Variants in KCNH7 observed in about 807,000 individuals in gnomAD.
KCNH7 encodes the protein potassium voltage-gated channel subfamily H member 7, also known as voltage-gated inwardly rectifying potassium channel KCNH7.
In KCNH7, 49 loss-of-function variants were observed where a neutral mutation model predicts 120.8. The observed-to-expected ratio is 0.41, with a 90% CI of 0.32 to 0.51. The LOEUF (loss-of-function observed/expected upper bound fraction) is 0.51, where lower values mean the gene tolerates loss of function less well. KCNH7 is among the 20% of genes least tolerant of loss of function. The probability of loss-of-function intolerance (pLI) is 0.38; values close to 1 mark genes in which losing one functional copy is unlikely to be tolerated. For missense variants in KCNH7, 1,097 were observed against 1,446.6 expected (o/e 0.76, Z 3.92); for synonymous variants, 547 against 516.1 (o/e 1.06, Z -0.81).
intron 2 of KCNH7, among the ~76,000 whole-genome samples, chr2:162,558,175 C>CTT (rs796790912): frequency 4.1e-5 from 6 of 145,550 alleles, no homozygotes; most frequent in African/African-American, 1.5e-4. Flanking sequence ...CCTCAAGCCT[C>CTT]TTTTTTTTTT....
At chr2:162,480,256 G>A (rs1558968570) in intron 6 of KCNH7, among the ~76,000 whole-genome samples, 1 of 151,982 alleles carries the variant, frequency 6.6e-6, no homozygotes, top group Non-Finnish European at 1.5e-5. Context: ...AAATGATTCA[G>A]TCTTCAGTAA....
At chr2:162,738,960 C>T (rs1466200648) in intron 2 of KCNH7, among the ~76,000 whole-genome samples, 1 of 152,072 alleles carries the variant, frequency 6.6e-6, no homozygotes, top group African/African-American at 2.4e-5. Flanking sequence ...AGTTCATGAT[C>T]CTTCCGCACT....
At chr2:162,648,557 C>G (rs759797720) in intron 2 of KCNH7, among the ~76,000 whole-genome samples, 1 of 152,124 alleles carries the variant, frequency 6.6e-6, no homozygotes, top group Non-Finnish European at 1.5e-5. Flanking sequence ...CTCCATGTGC[C>G]TGTTAGCATT....
chr2:162,498,233 T>C (rs1361304845), intron 6 of KCNH7, among the ~76,000 whole-genome samples: 29 of 152,088 alleles, frequency 1.9e-4, no homozygotes, highest in African/African-American at 7.2e-5. Flanking sequence ...GGCCAACTTA[T>C]AGAACTATTT....
At chr2:162,516,642 C>A (rs142647938) in intron 4 of KCNH7, among the ~76,000 whole-genome samples, 2,112 of 151,746 alleles carry the variant, frequency 0.014, 18 homozygotes, top group Non-Finnish European at 0.022. Context: ...TCTCAAGAAC[C>A]AAATCTATGG....
intron 2 of KCNH7, among the ~76,000 whole-genome samples, chr2:162,593,223 T>G (rs1694270302): frequency 6.6e-6 from 1 of 152,084 alleles, no homozygotes; most frequent in South Asian, 2.1e-4. Context: ...GCCTTAATTT[T>G]CTGATCTCTG....
At chr2:162,557,313 G>A (rs1162436018) in intron 2 of KCNH7, among the ~76,000 whole-genome samples, 1 of 152,184 alleles carries the variant, frequency 6.6e-6, no homozygotes, top group African/African-American at 2.4e-5. Flanking sequence ...TCTAGAAGAA[G>A]CATCCAAAAA....
At chr2:162,595,092 G>C (rs1694335212) in intron 2 of KCNH7, among the ~76,000 whole-genome samples, 1 of 152,052 alleles carries the variant, frequency 6.6e-6, no homozygotes, top group Admixed American at 6.6e-5. Flanking sequence ...AATTGACTGG[G>C]TAATTTCTAA....
intron 2 of KCNH7, chr2:162,795,267 T>C (rs1258427755): frequency 1.3e-5 from 2 of 151,960 alleles, no homozygotes; most frequent in South Asian, 4.2e-4. Context: ...TGGAATAAAA[T>C]TGTTGAAGAC....
chr2:162,451,624 G>A (rs1407708123), intron 6 of KCNH7, among the ~76,000 whole-genome samples: 1 of 152,126 alleles, frequency 6.6e-6, no homozygotes, highest in East Asian at 1.9e-4. Context: ...CACATGTCTA[G>A]TACTTTGATG....
At chr2:162,662,147 C>G (rs1354664299) in intron 2 of KCNH7, among the ~76,000 whole-genome samples, 1 of 152,028 alleles carries the variant, frequency 6.6e-6, no homozygotes, top group South Asian at 2.1e-4. Flanking sequence ...CCTATTGTCC[C>G]AGCTACTCGG....
chr2:162,617,207 T>C (rs932008985), intron 2 of KCNH7, among the ~76,000 whole-genome samples: 148 of 152,178 alleles, frequency 9.7e-4, no homozygotes, highest in African/African-American at 3.4e-3. Flanking sequence ...AGGCTGGGCG[T>C]GGTGGCTCAC....
chr2:162,665,856 T>C (rs1482853524), intron 2 of KCNH7, among the ~76,000 whole-genome samples: 1 of 152,140 alleles, frequency 6.6e-6, no homozygotes, highest in African/African-American at 2.4e-5. Flanking sequence ...CAACTCTAAC[T>C]AGCCTCCTTA....
chr2:162,665,952 G>C (rs1031171711), intron 2 of KCNH7, among the ~76,000 whole-genome samples: 1 of 152,032 alleles, frequency 6.6e-6, no homozygotes, highest in Non-Finnish European at 1.5e-5. Flanking sequence ...TGCACAGCAT[G>C]GTACACATAT....
At chr2:162,801,342 C>G (rs1476552618) in intron 2 of KCNH7, among the ~76,000 whole-genome samples, 2 of 151,538 alleles carry the variant, frequency 1.3e-5, no homozygotes, top group African/African-American at 4.8e-5. Context: ...GCAGGAATAG[C>G]AATTCTCAAC....
At chr2:162,556,206 G>C (rs1692850963) in intron 2 of KCNH7, among the ~76,000 whole-genome samples, 1 of 152,066 alleles carries the variant, frequency 6.6e-6, no homozygotes, top group African/African-American at 2.4e-5. Flanking sequence ...ACATCAAACT[G>C]TTATTAATTA....
intron 2 of KCNH7, among the ~76,000 whole-genome samples, chr2:162,769,744 A>G (rs1682968221): frequency 2.0e-5 from 3 of 152,058 alleles, no homozygotes; most frequent in South Asian, 4.1e-4. Flanking sequence ...TATATATATA[A>G]ATGACATGGA....
chr2:162,632,856 A>G (rs749765298), intron 2 of KCNH7, among the ~76,000 whole-genome samples: 56 of 151,934 alleles, frequency 3.7e-4, no homozygotes, highest in Non-Finnish European at 7.1e-4. Context: ...AAATTCAAAT[A>G]TTAGATAAAA....
chr2:162,372,815 A>G (rs903478346), intron 15 of KCNH7, among the ~76,000 whole-genome samples: 1 of 152,162 alleles, frequency 6.6e-6, no homozygotes, highest in African/African-American at 2.4e-5. Flanking sequence ...AATTGCAAGG[A>G]AAGCTAGACT....
Sources: allele counts gnomAD v4.1 joint callset (sites outside exome capture counted in the v4.1 genomes callset), GRCh38; gene constraint gnomAD v4.1.1; transcripts MANE v1.5; gene names NCBI Gene and HGNC (gene_info 2026-07-23, HGNC 2026-07-21).